The following SBF2 variants were observed in gnomAD, a reference collection of about 807,000 sequenced individuals.
The protein encoded by SBF2 is myotubularin-related protein 13.
In SBF2, 112 loss-of-function variants were observed where a neutral mutation model predicts 225.2. The observed-to-expected ratio is 0.50, with a 90% CI of 0.43 to 0.58. SBF2 has a LOEUF of 0.58. Ranked by LOEUF, SBF2 falls within the 20% of genes least tolerant of loss-of-function variation. SBF2 has a pLI of 0.00. For missense variants in SBF2, 1,996 were observed against 2,206.2 expected (o/e 0.90, Z 1.91); for synonymous variants, 763 against 773.3 (o/e 0.99, Z 0.22).
intron 28 of SBF2, among the ~76,000 whole-genome samples, chr11:9,826,713 GTATA>G (rs55922206): frequency 6.7e-5 from 10 of 148,822 alleles, no homozygotes; most frequent in African/African-American, 1.5e-4. Flanking sequence ...TGTGTGGTGT[GTATA>G]TATATATATA....
chr11:9,818,410 A>T (rs569004285), intron 28 of SBF2, among the ~76,000 whole-genome samples: 1 of 152,310 alleles, frequency 6.6e-6, no homozygotes, highest in East Asian at 1.9e-4. Flanking sequence ...CTAATTCTCA[A>T]ATTTGACTAG....
chr11:10,122,795 T>C (rs1252361342), intron 2 of SBF2, among the ~76,000 whole-genome samples: 1 of 152,194 alleles, frequency 6.6e-6, no homozygotes, highest in African/African-American at 2.4e-5. Flanking sequence ...AGGTCAGCCC[T>C]TCATACCTGC....
chr11:10,055,529 AC>A (rs1405017059), intron 2 of SBF2, among the ~76,000 whole-genome samples: 1 of 13,988 alleles, frequency 7.1e-5, no homozygotes, highest in Non-Finnish European at 3.0e-4. Context: ...AATGATACAC[AC>A]ACACACACAC....
chr11:9,970,774 A>T lies in SBF2; in HGVS notation c.1396-2229T>A, dbSNP rs553478761. 2.0e-5 allele frequency among the ~76,000 whole-genome samples: 3 copies of T among 152,350 alleles called. No homozygotes were observed. The South Asian group carries it at 6.2e-4, about 32-fold the overall frequency. ...TCCTCAGAAGGTGAAATCAGATTTA[A>T]AATCTGTTCTTGCCAAAGCAGCTCT... On this transcript the variant is annotated intron_variant, in intron 13 of 39. Transcript: ENST00000256190.
At chr11:10,042,822 T>G (rs1443499419) in intron 3 of SBF2, 22 bp downstream of exon 3, 8 of 1,612,910 alleles carry the variant, frequency 5.0e-6, no homozygotes, top group African/African-American at 1.3e-5. Flanking sequence ...GACTGTACTT[T>G]AGCTAGTAAA....
chr11:10,295,633 G>A (rs773468797), upstream of SBF2, among the ~76,000 whole-genome samples: 4 of 150,846 alleles, frequency 2.7e-5, no homozygotes, highest in Non-Finnish European at 5.9e-5. Flanking sequence ...AATCCTCTCT[G>A]TAACTTCCCT....
At chr11:10,199,785 A>T (rs1367032625) in intron 1 of SBF2, among the ~76,000 whole-genome samples, 2 of 151,988 alleles carry the variant, frequency 1.3e-5, no homozygotes, top group Admixed American at 1.3e-4. Context: ...GGTGGTACAA[A>T]CCTGTAGTCC....
intron 2 of SBF2, among the ~76,000 whole-genome samples, chr11:10,062,265 T>C (rs1032071406): frequency 3.3e-5 from 5 of 152,172 alleles, no homozygotes; most frequent in African/African-American, 1.2e-4. Flanking sequence ...AATACCCTCA[T>C]GGATCTAGGA....
In SBF2 at chr11:9,780,483, C is replaced by A; in HGVS notation, c.5485G>T (p.Ala1829Ser). The change falls in exon 40 of 40, where the codon GCC becomes TCC. Residue 1829 changes from alanine to serine, a missense_variant. Ala to Ser is a moderately conservative substitution (Grantham distance 99, BLOSUM62 1). Transcript: ENST00000256190. The stretch of plus-strand genomic sequence containing the variant: ...TGCTGGGCACTCTGTCCATCCTGGG[C>A]GCAGAAGTTATACACACGTTTGCTG... The part of the protein sequence containing the change: ...KTSKRVYNFC[A>S]QDGQSAQQWM... 6.2e-7 allele frequency: 1 copy of A among 1,614,106 alleles called. No homozygotes were observed. The highest frequency in any genetic ancestry group is 8.5e-7 in the Non-Finnish European group (1 of 1,180,016).
chr11:9,977,598 C>T (rs147850023), intron 13 of SBF2, among the ~76,000 whole-genome samples: 1 of 152,212 alleles, frequency 6.6e-6, no homozygotes, highest in East Asian at 1.9e-4. Context: ...CCAACTCCTA[C>T]ATTATGAATT....
At chr11:9,781,393 G>A in intron 39 of SBF2, 114 bp downstream of exon 39, 2 of 1,354,636 alleles carry the variant, frequency 1.5e-6, no homozygotes, top group Middle Eastern at 2.5e-4. Context: ...TAGCCAAGGG[G>A]GTCTGTCATC....
intron 2 of SBF2, among the ~76,000 whole-genome samples, chr11:10,135,714 G>C (rs1165757974): frequency 6.6e-6 from 1 of 152,096 alleles, no homozygotes; most frequent in Non-Finnish European, 1.5e-5. Context: ...TTCCATTTGA[G>C]ACCACATCAG....
At chr11:9,793,255 A>G (rs1252260650) in intron 33 of SBF2, among the ~76,000 whole-genome samples, 1 of 152,138 alleles carries the variant, frequency 6.6e-6, no homozygotes, top group Admixed American at 6.5e-5. Flanking sequence ...CAGATGAGAA[A>G]ACTGAGACTC....
intron 2 of SBF2, among the ~76,000 whole-genome samples, chr11:10,122,327 A>G (rs754520519): frequency 6.6e-6 from 1 of 152,214 alleles, no homozygotes; most frequent in Non-Finnish European, 1.5e-5. Context: ...ATGTATTCCA[A>G]CTGATGGCAA....
At chr11:9,974,623 A>C (rs1382649565) in intron 13 of SBF2, among the ~76,000 whole-genome samples, 2 of 151,430 alleles carry the variant, frequency 1.3e-5, no homozygotes, top group Admixed American at 6.6e-5. Context: ...TACCTGTTGG[A>C]AAGGCTAAAA....
intron 17 of SBF2, among the ~76,000 whole-genome samples, chr11:9,891,490 C>T (rs1027154959): frequency 3.3e-5 from 5 of 152,086 alleles, no homozygotes; most frequent in Admixed American, 6.5e-5. Context: ...TAGTATGTGT[C>T]GTGAGGGTAA....
chr11:9,927,533 A>C (rs1345470438), intron 16 of SBF2, among the ~76,000 whole-genome samples: 2 of 152,196 alleles, frequency 1.3e-5, no homozygotes, highest in African/African-American at 4.8e-5. Flanking sequence ...CAGTCTGGGC[A>C]AGATAGCAAG....
chr11:10,133,995 T>A (rs993313828), intron 2 of SBF2, among the ~76,000 whole-genome samples: 1 of 152,240 alleles, frequency 6.6e-6, no homozygotes, highest in Non-Finnish European at 1.5e-5. Context: ...CCTTAGACTT[T>A]GTATTAGTCC....
intron 1 of SBF2, among the ~76,000 whole-genome samples, chr11:10,258,081 T>TACACACACACACACACAC (rs57653852): frequency 2.5e-4 from 35 of 138,940 alleles, no homozygotes; most frequent in Non-Finnish European, 4.9e-4. Context: ...TACACACACA[T>TACACACACACACACACAC]ACACACACAC....
Sources: allele counts gnomAD v4.1 joint callset (sites outside exome capture counted in the v4.1 genomes callset), GRCh38; gene constraint gnomAD v4.1.1; transcripts MANE v1.5; gene names NCBI Gene and HGNC (gene_info 2026-07-23, HGNC 2026-07-21).